The following CACNA1C variants were observed in gnomAD, a reference collection of about 807,000 sequenced individuals.
CACNA1C encodes the protein calcium voltage-gated channel subunit alpha1 C, also known as voltage-dependent L-type calcium channel subunit alpha-1C.
Under a neutral mutation model 229.0 loss-of-function variants are expected in CACNA1C, and 30 were observed. The ratio of observed to expected loss-of-function variants is 0.13; its 90% CI spans 0.10 to 0.18. CACNA1C has a LOEUF of 0.18. Ranked by LOEUF, CACNA1C falls within the 10% of genes least tolerant of loss-of-function variation. The pLI, the probability that CACNA1C is intolerant of heterozygous loss-of-function variation, is 1.00. For synonymous variants in CACNA1C, 1,114 were observed against 1,132.5 expected (o/e 0.98, Z 0.33); for missense variants, 1,658 against 2,845.0 (o/e 0.58, Z 9.49).
chr12:2,605,053 T>C lies in CACNA1C; in HGVS notation c.2961-28T>C. 2 of 1,566,578 alleles carry C rather than the reference T, an allele frequency of 1.3e-6. No individual in the cohort carries two copies. Among genetic ancestry groups the C allele is most frequent in the Non-Finnish European group, 1.8e-6 (2 of 1,136,614 alleles). On this transcript the variant is annotated intron_variant, in intron 22 of 46. Transcript: ENST00000399655. The surrounding 1 kb of genome is among the most constrained non-coding windows in gnomAD (Gnocchi z 6.2). ...GCTCCCCCCAGAAACAGGAGGAGCT[T>C]ACTACCCTGCCTGTTTCCCTCTCCC...
At chr12:2,680,537 G>T in intron 42 of CACNA1C, 1 of 1,572,072 alleles carries the variant, frequency 6.4e-7, no homozygotes, top group Non-Finnish European at 8.6e-7. Flanking sequence ...GAGTAGGAGA[G>T]TGGCTCCCAG....
intron 18 of CACNA1C, among the ~76,000 whole-genome samples, chr12:2,590,677 A>G (rs538695569): frequency 2.0e-5 from 3 of 152,230 alleles, no homozygotes; most frequent in Non-Finnish European, 4.4e-5. Flanking sequence ...ATGGAGCTTC[A>G]TAAACGGGGG....
At chr12:2,208,881 A>G (rs1379837401) in intron 3 of CACNA1C, among the ~76,000 whole-genome samples, 2 of 152,310 alleles carry the variant, frequency 1.3e-5, no homozygotes, top group South Asian at 2.1e-4. Context: ...AGTACCCTAC[A>G]TTGAAATAAT....
At chr12:2,638,264 G>T (rs547884037) in intron 30 of CACNA1C, among the ~76,000 whole-genome samples, 1 of 152,326 alleles carries the variant, frequency 6.6e-6, no homozygotes, top group South Asian at 2.1e-4. Flanking sequence ...GCAGGCATTG[G>T]TTTAAATAAG....
At chr12:2,571,106 A>G (rs1283903718) in intron 13 of CACNA1C, among the ~76,000 whole-genome samples, 2 of 152,224 alleles carry the variant, frequency 1.3e-5, no homozygotes, top group Non-Finnish European at 2.9e-5. Flanking sequence ...GAGGATGAGG[A>G]TAGGCTACTA....
At chr12:2,164,194 G>T (rs1466973091) in intron 3 of CACNA1C, among the ~76,000 whole-genome samples, 4 of 152,192 alleles carry the variant, frequency 2.6e-5, no homozygotes, top group Non-Finnish European at 5.9e-5. Context: ...ACCATTTTAT[G>T]ACTGCTTCAT....
intron 1 of CACNA1C, among the ~76,000 whole-genome samples, chr12:2,058,481 G>A (rs931322111): frequency 2.0e-5 from 3 of 152,100 alleles, no homozygotes; most frequent in Non-Finnish European, 4.4e-5. Context: ...CATCCTCACA[G>A]TTGCCTAGGT....
intron 18 of CACNA1C, among the ~76,000 whole-genome samples, chr12:2,590,586 T>C (rs1293790202): frequency 1.3e-5 from 2 of 152,178 alleles, no homozygotes; most frequent in African/African-American, 4.8e-5. Flanking sequence ...TCGTTTCCTC[T>C]TAAGTACTGT....
rs530304583 is a variant in CACNA1C at position 2,665,055 on chromosome 12, G to A, written c.4398+65G>A. On this transcript the variant is annotated intron_variant, in intron 35 of 46. Coordinates refer to ENST00000399655, the MANE Select transcript of CACNA1C (RefSeq NM_000719.7). This position sits in a 1 kb window ranked among gnomAD's most constrained non-coding sequence, Gnocchi z 5.9. ...GCCCAGTTCCAGGGCAGTCTGAACC[G>A]TCCATCTCTGCAGCTCATGGTCAGG... 6.3e-5 allele frequency: 97 copies of A among 1,546,444 alleles called. No homozygotes were observed. Among genetic ancestry groups the A allele is most frequent in the South Asian group, 1.2e-4 (11 of 88,944 alleles).
intron 3 of CACNA1C, among the ~76,000 whole-genome samples, chr12:2,438,725 C>T (rs1216342541): frequency 1.3e-5 from 2 of 151,944 alleles, no homozygotes; most frequent in Admixed American, 6.5e-5. Flanking sequence ...TGAAGGCTTT[C>T]GAGCAGTAAA....
At chr12:2,446,097 G>GT (rs753219191) in intron 3 of CACNA1C, among the ~76,000 whole-genome samples, 1 of 151,486 alleles carries the variant, frequency 6.6e-6, no homozygotes, top group Non-Finnish European at 1.5e-5. Context: ...AGAAGAATGA[G>GT]TGAGTGGGTG....
chr12:2,178,235 A>G (rs2096727222), intron 3 of CACNA1C, among the ~76,000 whole-genome samples: 1 of 152,192 alleles, frequency 6.6e-6, no homozygotes, highest in African/African-American at 2.4e-5. Flanking sequence ...ACCAATATCC[A>G]TCAGTTTAAC....
intron 1 of CACNA1C, chr12:1,992,741 G>C (rs1364359356): frequency 5.4e-6 from 1 of 184,808 alleles, no homozygotes; most frequent in Non-Finnish European, 1.1e-5. Flanking sequence ...ACATTACAAA[G>C]GGTTATTAAA....
chr12:2,294,944 C>G (rs1468321173), intron 3 of CACNA1C, among the ~76,000 whole-genome samples: 1 of 152,182 alleles, frequency 6.6e-6, no homozygotes, highest in African/African-American at 2.4e-5. Context: ...ATGCTGTGCG[C>G]ACAGTTCTGT....
chr12:2,049,810 A>T (rs1308587647), upstream of CACNA1C, among the ~76,000 whole-genome samples: 4 of 152,240 alleles, frequency 2.6e-5, no homozygotes, highest in African/African-American at 9.6e-5. Context: ...ATCGGAATTC[A>T]CAATGGTCTC....
Position 2,152,223 on chromosome 12 carries a change from C to T in CACNA1C, c.477+31793C>T, listed in dbSNP as rs986921129. ...ACTTGTGACAGAAATGACTGTTACC[C>T]AGTGTCTGTTCTCTACCTCTTTCAT... On this transcript the variant is annotated intron_variant, in intron 3 of 46. Coordinates refer to ENST00000399655, the MANE Select transcript of CACNA1C (RefSeq NM_000719.7). This position sits in a 1 kb window ranked among gnomAD's most constrained non-coding sequence, Gnocchi z 4.2. Among the ~76,000 whole-genome samples the T allele has an allele frequency of 7.9e-5, 12 of 152,206 alleles. No individual in the cohort carries two copies. Among genetic ancestry groups the T allele is most frequent in the African/African-American group, 2.9e-4 (12 of 41,448 alleles).
chr12:2,310,354 T>A (rs3055518), intron 3 of CACNA1C, among the ~76,000 whole-genome samples: 9,323 of 134,828 alleles, frequency 0.069, 324 homozygotes, highest in Non-Finnish European at 0.085. Context: ...AAAAAAAAAA[T>A]ATATATATAT....
At chr12:2,277,352 CAGACAG>C (rs2088940237) in intron 3 of CACNA1C, among the ~76,000 whole-genome samples, 5 of 80,054 alleles carry the variant, frequency 6.2e-5, no homozygotes, top group Admixed American at 2.6e-4. Flanking sequence ...GACAGACAGA[CAGACAG>C]ACAGACACAC....
chr12:2,506,652 C>T (rs926330987), intron 8 of CACNA1C, among the ~76,000 whole-genome samples: 3 of 152,148 alleles, frequency 2.0e-5, no homozygotes, highest in African/African-American at 4.8e-5. Flanking sequence ...AGATGAGGAG[C>T]GTGAGCCCAG....
Sources: allele counts gnomAD v4.1 joint callset (sites outside exome capture counted in the v4.1 genomes callset), GRCh38; gene constraint gnomAD v4.1.1; non-coding constraint Gnocchi (gnomAD v3.1); transcripts MANE v1.5; gene names NCBI Gene and HGNC (gene_info 2026-07-23, HGNC 2026-07-21).